Variants in CBLB observed in about 807,000 individuals in gnomAD.
CBLB encodes Cbl proto-oncogene B.
Under a neutral mutation model 104.9 loss-of-function variants are expected in CBLB, and 31 were observed. The observed-to-expected ratio is 0.30, with a 90% CI of 0.22 to 0.40. The LOEUF (loss-of-function observed/expected upper bound fraction) is 0.40. Among genes scored for constraint, CBLB ranks in the 10% least tolerant of loss-of-function variants. The pLI is 1.00. For missense variants in CBLB, 1,062 were observed against 1,214.6 expected, an observed-to-expected ratio of 0.87 and a Z score of 1.87; for synonymous variants, 440 against 422.6, an observed-to-expected ratio of 1.04 and a Z score of -0.51.
At chr3:105,806,447 T>G (rs1443102) in intron 3 of CBLB, among the ~76,000 whole-genome samples, 97,336 of 145,308 alleles carry the variant, frequency 0.67, 33,583 homozygotes, top group Middle Eastern at 0.79. Flanking sequence ...TGGTAACTAT[T>G]TATATGGGTT....
chr3:105,719,242 T>A (rs1385923367), intron 10 of CBLB, among the ~76,000 whole-genome samples: 1 of 152,218 alleles, frequency 6.6e-6, no homozygotes, highest in Non-Finnish European at 1.5e-5. Flanking sequence ...ATTTAATAAT[T>A]TCCTTTCTTA....
intron 4 of CBLB, among the ~76,000 whole-genome samples, chr3:105,773,146 T>A (rs545902429): frequency 6.6e-6 from 1 of 152,146 alleles, no homozygotes; most frequent in Non-Finnish European, 1.5e-5. Context: ...TAAGTGCACA[T>A]AGACCAACAA....
At chr3:105,668,159 T>C (rs2152690962) in intron 18 of CBLB, among the ~76,000 whole-genome samples, 1 of 152,250 alleles carries the variant, frequency 6.6e-6, no homozygotes, top group East Asian at 1.9e-4. Flanking sequence ...GCCCTCAGAG[T>C]AATAGTCAGG....
chr3:105,694,331 A>G (rs2068072243), intron 12 of CBLB, among the ~76,000 whole-genome samples: 1 of 152,004 alleles, frequency 6.6e-6, no homozygotes, highest in Non-Finnish European at 1.5e-5. Context: ...TTGAAATTAC[A>G]GCAACTTAAA....
At chr3:105,854,388 T>C (rs550443256) in intron 2 of CBLB, among the ~76,000 whole-genome samples, 215 of 152,330 alleles carry the variant, frequency 1.4e-3, no homozygotes, top group Non-Finnish European at 2.7e-3. Flanking sequence ...GTTCATGTGA[T>C]TTAGCCAAGA....
chr3:105,810,452 T>C (rs2084127527), intron 3 of CBLB, among the ~76,000 whole-genome samples: 1 of 152,134 alleles, frequency 6.6e-6, no homozygotes, highest in South Asian at 2.1e-4. Flanking sequence ...GCTCACCAAC[T>C]AGCCTATTTT....
At chr3:105,662,990 CTGT>C (rs1308342653) in intron 18 of CBLB, among the ~76,000 whole-genome samples, 2 of 152,338 alleles carry the variant, frequency 1.3e-5, no homozygotes, top group East Asian at 3.9e-4. Flanking sequence ...ACAGTTACTG[CTGT>C]TACTACTTGA....
chr3:105,763,285 G>C (rs2077846198), intron 4 of CBLB, among the ~76,000 whole-genome samples: 1 of 152,180 alleles, frequency 6.6e-6, no homozygotes, highest in South Asian at 2.1e-4. Flanking sequence ...AGACTTTGGG[G>C]GATTGTTGCG....
intron 12 of CBLB, among the ~76,000 whole-genome samples, chr3:105,698,628 C>T (rs989418956): frequency 5.8e-5 from 6 of 104,114 alleles, no homozygotes; most frequent in African/African-American, 1.9e-4. Flanking sequence ...AAAAAAAAAG[C>T]GCATTTGCTT....
chr3:105,770,977 A>C (rs1395137851), intron 4 of CBLB, among the ~76,000 whole-genome samples: 2 of 152,224 alleles, frequency 1.3e-5, no homozygotes, highest in Admixed American at 6.5e-5. Context: ...ATTCAAAGAC[A>C]AATTGGTACT....
At chr3:105,787,252 A>G (rs2152988353) in intron 3 of CBLB, among the ~76,000 whole-genome samples, 1 of 152,294 alleles carries the variant, frequency 6.6e-6, no homozygotes, top group East Asian at 1.9e-4. Flanking sequence ...TCTACAGCTG[A>G]GTGGTGGTGA....
At chr3:105,779,058 C>CA (rs536386974) in intron 3 of CBLB, among the ~76,000 whole-genome samples, 89 of 152,242 alleles carry the variant, frequency 5.8e-4, no homozygotes, top group African/African-American at 2.1e-3. Context: ...AAAGAAAAAT[C>CA]AAAATGGCTA....
chr3:105,719,406 C>T (rs1262099440), intron 10 of CBLB, among the ~76,000 whole-genome samples: 1 of 152,206 alleles, frequency 6.6e-6, no homozygotes, highest in Non-Finnish European at 1.5e-5. Flanking sequence ...ATCAGCCTGT[C>T]AACATTATAG....
At chr3:105,854,832 C>T (rs1477313107) in intron 2 of CBLB, among the ~76,000 whole-genome samples, 1 of 151,984 alleles carries the variant, frequency 6.6e-6, no homozygotes, top group Non-Finnish European at 1.5e-5. Context: ...GGGATTTCAC[C>T]ATCTTTGTCA....
chr3:105,783,523 T>C (rs2080554483), intron 3 of CBLB, among the ~76,000 whole-genome samples: 1 of 152,174 alleles, frequency 6.6e-6, no homozygotes, highest in South Asian at 2.1e-4. Context: ...GATACAGTCA[T>C]TTAGTCATTT....
intron 3 of CBLB, among the ~76,000 whole-genome samples, chr3:105,821,165 C>G (rs2085788140): frequency 6.6e-6 from 1 of 152,044 alleles, no homozygotes; most frequent in South Asian, 2.1e-4. Flanking sequence ...TCCCTTACAT[C>G]CAAAAACAAA....
chr3:105,827,234 TA>T (rs5851477), intron 3 of CBLB, among the ~76,000 whole-genome samples: 137,706 of 152,176 alleles, frequency 0.9, 62,698 homozygotes, highest in Non-Finnish European at 0.96. Flanking sequence ...ATCCCCAGAG[TA>T]AATGACGTAA....
chr3:105,677,906 C>T (rs552916333), intron 17 of CBLB, among the ~76,000 whole-genome samples: 4 of 151,592 alleles, frequency 2.6e-5, no homozygotes, highest in South Asian at 4.1e-4. Context: ...TAGATACACA[C>T]TGAGGCATTA....
intron 10 of CBLB, among the ~76,000 whole-genome samples, chr3:105,713,024 C>T (rs998914718): frequency 6.6e-6 from 1 of 152,042 alleles, no homozygotes. Context: ...AATCCTGGCA[C>T]TTTGGGAGGC....
Sources: gnomAD v4.1 joint callset for allele counts (sites outside exome capture counted in the v4.1 genomes callset) on GRCh38, gnomAD v4.1.1 for gene constraint, MANE v1.5 for transcripts, NCBI Gene and HGNC (gene_info 2026-07-23, HGNC 2026-07-21) for gene names.